PLXNA4: variants seen among roughly 807,000 people sequenced by gnomAD.
PLXNA4 encodes the protein plexin-A4.
In PLXNA4, 44 loss-of-function variants were observed where a neutral mutation model predicts 191.8. The observed-to-expected ratio is 0.23, with a 90% CI of 0.18 to 0.29. The LOEUF is 0.29. PLXNA4 is among the 10% of genes least tolerant of loss of function. The pLI, the probability that PLXNA4 is intolerant of heterozygous loss-of-function variation, is 1.00. For synonymous variants in PLXNA4, 1,082 were observed against 1,009.5 expected, an observed-to-expected ratio of 1.07 and a Z score of -1.36; for missense variants, 1,800 against 2,488.8, an observed-to-expected ratio of 0.72 and a Z score of 5.89.
chr7:132,595,119 C>T (rs1802685339), intron 2 of PLXNA4, among the ~76,000 whole-genome samples: 1 of 152,052 alleles, frequency 6.6e-6, no homozygotes, highest in Non-Finnish European at 1.5e-5. Flanking sequence ...CTCTAGTCAC[C>T]ATCTCAAGTT....
intron 1 of PLXNA4, among the ~76,000 whole-genome samples, chr7:132,549,616 G>A (rs565611056): frequency 2.0e-5 from 3 of 152,258 alleles, no homozygotes; most frequent in African/African-American, 4.8e-5. Context: ...GCAGATTTCC[G>A]TGCTTCTGGG....
chr7:132,361,319 A>C (rs1053574161), intron 3 of PLXNA4, among the ~76,000 whole-genome samples: 1 of 152,154 alleles, frequency 6.6e-6, no homozygotes, highest in Non-Finnish European at 1.5e-5. Flanking sequence ...TGCTTGGAGA[A>C]CAGAGCCAAC....
At chr7:132,405,780 C>A (rs1220452921) in intron 3 of PLXNA4, among the ~76,000 whole-genome samples, 1 of 152,228 alleles carries the variant, frequency 6.6e-6, no homozygotes, top group African/African-American at 2.4e-5. Context: ...GTTCCCCATC[C>A]TTTAGGGCAG....
rs139189808 is a variant in PLXNA4 at position 132,601,507 on chromosome 7, C to G, written c.-87+44421G>C. 1.5e-3 allele frequency among the ~76,000 whole-genome samples: 223 copies of G among 152,204 alleles called. 2 individuals are homozygous for G. The highest frequency in any genetic ancestry group is 0.013 in the East Asian group (67 of 5,184). On this transcript the variant is annotated intron_variant, in intron 2 of 4. Transcript: ENST00000378539. ...GGAAAAGATGTGTCTTTTTTCCTCCCCTTTCTTAGTCTTGCTTTCTTGAAT... is the reference window on the plus strand; with the variant it reads ...GGAAAAGATGTGTCTTTTTTCCTCCGCTTTCTTAGTCTTGCTTTCTTGAAT...
intron 9 of PLXNA4, among the ~76,000 whole-genome samples, chr7:132,214,680 C>T (rs769620891): frequency 2.2e-4 from 33 of 152,066 alleles, no homozygotes; most frequent in Non-Finnish European, 4.4e-4. Context: ...GATGTGAGCC[C>T]GAGGCCCTGT....
intron 3 of PLXNA4, among the ~76,000 whole-genome samples, chr7:132,370,975 C>T (rs1003491447): frequency 2.0e-5 from 3 of 152,148 alleles, no homozygotes; most frequent in African/African-American, 7.2e-5. Flanking sequence ...TTAGTGTTGG[C>T]CACATATGGA....
chr7:132,145,072 G>A, intron 29 of PLXNA4, 47 bp downstream of exon 29: 1 of 1,612,454 alleles, frequency 6.2e-7, no homozygotes, highest in Non-Finnish European at 8.5e-7. Flanking sequence ...CTTGAGGCTG[G>A]GTGGGCTCAG....
chr7:132,384,826 G>A (rs1184644601), intron 3 of PLXNA4: 100 of 1,137,082 alleles, frequency 8.8e-5, no homozygotes, highest in Non-Finnish European at 1.1e-4. Flanking sequence ...GTGGACAGAT[G>A]AGCATAAGGT....
chr7:132,396,837 T>G (rs1793784283), intron 3 of PLXNA4, among the ~76,000 whole-genome samples: 1 of 152,268 alleles, frequency 6.6e-6, no homozygotes, highest in Admixed American at 6.5e-5. Flanking sequence ...CCAAAGCCTG[T>G]GCACTCTTAA....
intron 2 of PLXNA4, among the ~76,000 whole-genome samples, chr7:132,638,577 G>T (rs771532872): frequency 6.6e-6 from 1 of 152,076 alleles, no homozygotes; most frequent in Non-Finnish European, 1.5e-5. Context: ...ACTTGAACCC[G>T]GGTGGCAGAG....
chr7:132,563,109 TCCCTCC>T (rs1563175534), intron 1 of PLXNA4, among the ~76,000 whole-genome samples: 1 of 18,104 alleles, frequency 5.5e-5, no homozygotes, highest in Non-Finnish European at 1.1e-4. Context: ...CCTCCTCCTC[TCCCTCC>T]TCCTCCTTCT....
chr7:132,562,717 C>T (rs1473564949), intron 1 of PLXNA4, among the ~76,000 whole-genome samples: 1 of 119,078 alleles, frequency 8.4e-6, no homozygotes, highest in African/African-American at 3.5e-5. Flanking sequence ...ACCTCCTCCT[C>T]CTTTTCCTCG....
upstream of PLXNA4, chr7:132,576,926 C>A (rs1802268514): frequency 6.7e-6 from 1 of 149,482 alleles, no homozygotes; most frequent in African/African-American, 2.4e-5. This position sits in a 1 kb window ranked among gnomAD's most constrained non-coding sequence, Gnocchi z 5.8. Flanking sequence ...GGGGACCCGC[C>A]GGGGAGCGCT....
chr7:132,186,738 C>T (rs760657595), intron 15 of PLXNA4, among the ~76,000 whole-genome samples: 2 of 152,216 alleles, frequency 1.3e-5, no homozygotes, highest in Non-Finnish European at 1.5e-5. Flanking sequence ...TTGTTCATTC[C>T]TGGGCACAGA....
intron 3 of PLXNA4, among the ~76,000 whole-genome samples, chr7:132,474,253 C>T (rs1797041773): frequency 6.6e-6 from 1 of 150,528 alleles, no homozygotes; most frequent in Admixed American, 6.6e-5. Context: ...CACACACACA[C>T]ACACATGCAC....
At chr7:132,482,439 C>T (rs1797376229) in intron 3 of PLXNA4, among the ~76,000 whole-genome samples, 1 of 152,108 alleles carries the variant, frequency 6.6e-6, no homozygotes, top group Admixed American at 6.5e-5. Flanking sequence ...CCGGGAGTGA[C>T]ATTGGAGGTA....
intron 8 of PLXNA4, among the ~76,000 whole-genome samples, 173 bp from the exon 9 acceptor site, chr7:132,223,814 G>A (rs1798224200): frequency 6.6e-6 from 1 of 152,076 alleles, no homozygotes; most frequent in South Asian, 2.1e-4. Flanking sequence ...AAGACCTCAG[G>A]AAGCTAATGG....
chr7:132,275,719 C>T (rs369696635), intron 4 of PLXNA4, among the ~76,000 whole-genome samples: 2 of 152,146 alleles, frequency 1.3e-5, no homozygotes, highest in Non-Finnish European at 2.9e-5. Context: ...GGAAATGAGT[C>T]GCCAGCACCT....
intron 24 of PLXNA4, 99 bp from the exon 25 acceptor site, chr7:132,159,731 T>C: frequency 1.3e-6 from 2 of 1,554,262 alleles, no homozygotes; most frequent in African/African-American, 1.4e-5. Flanking sequence ...GAATGGCTCA[T>C]CCTCTCCAGG....
Sources: gnomAD v4.1 joint callset for allele counts (sites outside exome capture counted in the v4.1 genomes callset) on GRCh38, gnomAD v4.1.1 for gene constraint, Gnocchi (gnomAD v3.1) non-coding constraint, MANE v1.5 for transcripts, NCBI Gene and HGNC (gene_info 2026-07-23, HGNC 2026-07-21) for gene names.